The following TMEM135 variants were observed in gnomAD, a reference collection of about 807,000 sequenced individuals.
TMEM135 encodes peroxisomal membrane protein 52.
In TMEM135, 30 loss-of-function variants were observed where a neutral mutation model predicts 60.3. That is an observed-to-expected ratio of 0.50 (90% CI 0.37 to 0.68). The LOEUF is 0.68. Among genes scored for constraint, TMEM135 ranks in the 30% least tolerant of loss-of-function variants. The pLI is 0.00. For synonymous variants in TMEM135, 190 were observed against 186.7 expected (o/e 1.02, Z -0.14); for missense variants, 468 against 548.8 (o/e 0.85, Z 1.47).
intron 12 of TMEM135, among the ~76,000 whole-genome samples, chr11:87,315,439 C>T (rs111278148): frequency 2.0e-5 from 3 of 151,952 alleles, no homozygotes; most frequent in African/African-American, 7.2e-5. Flanking sequence ...TGACGAGGCA[C>T]AAAAATGTCT....
intron 6 of TMEM135, among the ~76,000 whole-genome samples, chr11:87,276,022 C>T (rs1941960379): frequency 6.6e-6 from 1 of 152,056 alleles, no homozygotes; most frequent in Non-Finnish European, 1.5e-5. Context: ...CCAGAAGGAC[C>T]CCAACCATGT....
Position 87,326,087 on chromosome 11 carries a change from G to GTT in TMEM135, c.*4767_*4768dup, listed in dbSNP as rs199909607. 2.6e-4 allele frequency: 113 copies of GTT among 441,432 alleles called. No individual in the cohort carries two copies. Among genetic ancestry groups the GTT allele is most frequent in the Middle Eastern group, 7.2e-4 (1 of 1,394 alleles). The allele number at this position is 441,432 out of a possible 1,614,324, so 27.3% of individuals were successfully genotyped here. ...CAAACTACTATAGCTTGCCTGTTCA[G>GTT]TTTTTTTTTTTTTTAATATTCAGTT... On this transcript the variant is annotated 3_prime_UTR_variant, in exon 15 of 15. Coordinates refer to ENST00000305494, the MANE Select transcript of TMEM135 (RefSeq NM_022918.4).
chr11:87,304,702 G>A (rs903040499), intron 8 of TMEM135, among the ~76,000 whole-genome samples: 3 of 152,204 alleles, frequency 2.0e-5, no homozygotes, highest in African/African-American at 4.8e-5. Context: ...ATCAATTTGC[G>A]AATGGGATTG....
chr11:87,267,015 G>T (rs750152594), intron 6 of TMEM135, among the ~76,000 whole-genome samples: 9 of 152,142 alleles, frequency 5.9e-5, no homozygotes, highest in Non-Finnish European at 1.0e-4. Flanking sequence ...AGGAGCTTAA[G>T]GTGGTAGAGT....
chr11:87,225,080 T>G (rs1263182080), intron 5 of TMEM135, among the ~76,000 whole-genome samples: 1 of 152,178 alleles, frequency 6.6e-6, no homozygotes, highest in Non-Finnish European at 1.5e-5. Context: ...CAGACTATAT[T>G]TTAACTTACT....
intron 4 of TMEM135, among the ~76,000 whole-genome samples, chr11:87,146,966 A>G (rs1938432821): frequency 6.6e-6 from 1 of 152,150 alleles, no homozygotes; most frequent in Admixed American, 6.5e-5. Flanking sequence ...TGCATGTTAA[A>G]TTGACCCACT....
chr11:87,156,069 G>A (rs992012698), intron 4 of TMEM135, among the ~76,000 whole-genome samples: 1 of 152,128 alleles, frequency 6.6e-6, no homozygotes, highest in Non-Finnish European at 1.5e-5. Flanking sequence ...TTAAGCCTGT[G>A]AGGACAGTTT....
chr11:87,229,214 A>G (rs879857359), intron 5 of TMEM135, among the ~76,000 whole-genome samples: 2 of 152,116 alleles, frequency 1.3e-5, no homozygotes, highest in Admixed American at 6.6e-5. Context: ...ATAAAATTCC[A>G]TGTTTTCATA....
intron 4 of TMEM135, among the ~76,000 whole-genome samples, chr11:87,147,555 T>C (rs568914843): frequency 1.6e-4 from 24 of 152,200 alleles, no homozygotes; most frequent in Non-Finnish European, 3.1e-4. Context: ...TAGCAGAACA[T>C]AGAAAATAAC....
intron 4 of TMEM135, among the ~76,000 whole-genome samples, chr11:87,139,887 A>G (rs1938214992): frequency 6.6e-6 from 1 of 152,168 alleles, no homozygotes; most frequent in Non-Finnish European, 1.5e-5. Context: ...TAGTATGTAT[A>G]TGATATATGT....
At chr11:87,163,499 A>C (rs372345918) in intron 5 of TMEM135, among the ~76,000 whole-genome samples, 37 of 151,680 alleles carry the variant, frequency 2.4e-4, no homozygotes, top group Non-Finnish European at 4.1e-4. Flanking sequence ...AATAAACATA[A>C]GTGTGCATGT....
intron 1 of TMEM135, among the ~76,000 whole-genome samples, chr11:87,038,534 A>G (rs1040579579): frequency 6.7e-6 from 1 of 149,482 alleles, no homozygotes; most frequent in East Asian, 2.0e-4. Context: ...TGTGATGGAG[A>G]GGTATTTGTA....
intron 1 of TMEM135, among the ~76,000 whole-genome samples, chr11:87,057,785 A>G (rs749905433): frequency 3.9e-4 from 58 of 148,764 alleles, no homozygotes; most frequent in Middle Eastern, 3.5e-3. Flanking sequence ...CTTCAAAGAA[A>G]CAGAAGCCTC....
In TMEM135 at chr11:87,326,099, T is replaced by TTTA. The variant is rs1379676992; in HGVS notation, c.*4767_*4769dup. 21 of 453,810 alleles carry TTTA rather than the reference T, an allele frequency of 4.6e-5. No homozygotes were observed. Among genetic ancestry groups the TTTA allele is most frequent in the African/African-American group, 4.2e-4 (21 of 49,952 alleles). The allele number at this position is 453,810 out of a possible 1,614,324, so 28.1% of individuals were successfully genotyped here. A position where few individuals can be genotyped will look rare whatever the true frequency, so the allele number is the denominator to read the frequency against. On this transcript the variant is annotated 3_prime_UTR_variant, in exon 15 of 15. Transcript: ENST00000305494. Reference sequence around the variant, plus strand: ...GCTTGCCTGTTCAGTTTTTTTTTTTTTTAATATTCAGTTTTGTGCCATACT... The same window carrying TTTA: ...GCTTGCCTGTTCAGTTTTTTTTTTTTTTATTAATATTCAGTTTTGTGCCATACT...
Position 87,324,392 on chromosome 11 carries a change from G to A in TMEM135, c.*3059G>A, listed in dbSNP as rs1565173923. On this transcript the variant is annotated 3_prime_UTR_variant, in exon 15 of 15. Coordinates refer to ENST00000305494, the MANE Select transcript of TMEM135 (RefSeq NM_022918.4). The stretch of plus-strand genomic sequence containing the variant: ...TGTTTTTGGAGCAGAGAAATTATTA[G>A]CCCAGAGATTCCTTAAATTCTCCGT... 2.2e-6 allele frequency: 1 copy of A among 453,926 alleles called. No individual in the cohort carries two copies. Among genetic ancestry groups the A allele is most frequent in the East Asian group, 7.0e-5 (1 of 14,376 alleles). The allele number at this position is 453,926 out of a possible 1,614,324, so 28.1% of individuals were successfully genotyped here. A position where few individuals can be genotyped will look rare whatever the true frequency, so the allele number is the denominator to read the frequency against.
chr11:87,107,228 T>G (rs1240670693), intron 4 of TMEM135, among the ~76,000 whole-genome samples: 4 of 152,202 alleles, frequency 2.6e-5, no homozygotes, highest in Non-Finnish European at 5.9e-5. Flanking sequence ...TTTATCCATT[T>G]CTTTTAGGTT....
At chr11:87,174,856 C>T (rs1939329205) in intron 5 of TMEM135, among the ~76,000 whole-genome samples, 1 of 152,086 alleles carries the variant, frequency 6.6e-6, no homozygotes. Context: ...AAGAACCTAT[C>T]AAGGACATTA....
chr11:87,316,985 A>G (rs1330486776), intron 12 of TMEM135, among the ~76,000 whole-genome samples: 1 of 151,794 alleles, frequency 6.6e-6, no homozygotes, highest in African/African-American at 2.4e-5. Context: ...ATTGAAGTTA[A>G]TTTTATATTA....
intron 1 of TMEM135, among the ~76,000 whole-genome samples, chr11:87,040,722 G>T (rs1949743573): frequency 6.6e-6 from 1 of 151,210 alleles, no homozygotes; most frequent in Non-Finnish European, 1.5e-5. Flanking sequence ...TCATTTACCA[G>T]CTATTTGACT....
Sources: allele counts gnomAD v4.1 joint callset (sites outside exome capture counted in the v4.1 genomes callset), GRCh38; gene constraint gnomAD v4.1.1; transcripts MANE v1.5; gene names NCBI Gene and HGNC (gene_info 2026-07-23, HGNC 2026-07-21).